The following MFHAS1 variants were observed in gnomAD, a reference collection of about 807,000 sequenced individuals.
The protein encoded by MFHAS1 is multifunctional ROCO family signaling regulator 1, also known as malignant fibrous histiocytoma-amplified sequence 1.
Under a neutral mutation model 70.4 loss-of-function variants are expected in MFHAS1, and 50 were observed. That is an observed-to-expected ratio of 0.71 (90% confidence interval 0.57 to 0.90). The LOEUF (loss-of-function observed/expected upper bound fraction) is 0.90. MFHAS1 is among the 40% of genes least tolerant of loss of function. MFHAS1 has a pLI of 0.00. For missense variants in MFHAS1, 1,795 were observed against 1,347.6 expected (o/e 1.33, Z -5.20); for synonymous variants, 952 against 620.0 (o/e 1.54, Z -7.96).
intron 1 of MFHAS1, among the ~76,000 whole-genome samples, chr8:8,873,831 C>A (rs947882271): frequency 1.1e-4 from 17 of 152,180 alleles, no homozygotes; most frequent in Middle Eastern, 3.2e-3. Flanking sequence ...TGATTTCTTA[C>A]ATGGACAGAA....
Position 8,831,997 on chromosome 8 carries a change from T to C in MFHAS1, c.2999-34506A>G, listed in dbSNP as rs147872771. ...CAAATGGTGCTAAAACAACTGGATA[T>C]CTGTATGGAAAAGAAAATAAACCTC... On this transcript the variant is annotated intron_variant, in intron 1 of 2. Coordinates refer to ENST00000276282, the MANE Select transcript of MFHAS1 (RefSeq NM_004225.3). 2.3e-3 allele frequency among the ~76,000 whole-genome samples: 347 copies of C among 152,050 alleles called. 2 individuals are homozygous for C. The highest frequency in any genetic ancestry group is 7.8e-3 in the African/African-American group (322 of 41,474).
At chr8:8,887,290 T>G (rs533856851) in intron 1 of MFHAS1, among the ~76,000 whole-genome samples, 2 of 152,346 alleles carry the variant, frequency 1.3e-5, no homozygotes, top group East Asian at 3.9e-4. Context: ...TTCCCACATT[T>G]AGCTTTTATT....
At chr8:8,807,482 G>A (rs1224618367) in intron 1 of MFHAS1, among the ~76,000 whole-genome samples, 1 of 152,092 alleles carries the variant, frequency 6.6e-6, no homozygotes, top group Non-Finnish European at 1.5e-5. Flanking sequence ...TATAGCTTCT[G>A]TATCCCACTG....
chr8:8,815,307 A>T (rs1399385210), intron 1 of MFHAS1, among the ~76,000 whole-genome samples: 1 of 152,186 alleles, frequency 6.6e-6, no homozygotes, highest in Non-Finnish European at 1.5e-5. Context: ...TGTTATTGTG[A>T]ATAGTGCTGC....
At chr8:8,876,219 A>C (rs1809288391) in intron 1 of MFHAS1, among the ~76,000 whole-genome samples, 2 of 152,204 alleles carry the variant, frequency 1.3e-5, no homozygotes, top group South Asian at 4.1e-4. Context: ...AGTCTACTCC[A>C]AGAGCTCTTG....
At chr8:8,837,695 G>A (rs1807650549) in intron 1 of MFHAS1, among the ~76,000 whole-genome samples, 1 of 151,062 alleles carries the variant, frequency 6.6e-6, no homozygotes, top group African/African-American at 2.4e-5. Context: ...CTTATCATTA[G>A]GAACATGCAA....
At chr8:8,866,640 A>T (rs1808868835) in intron 1 of MFHAS1, among the ~76,000 whole-genome samples, 1 of 152,176 alleles carries the variant, frequency 6.6e-6, no homozygotes, top group Non-Finnish European at 1.5e-5. Context: ...TCTTATCCCT[A>T]GTAAAAAGGA....
chr8:8,803,350 C>A (rs1806149313), intron 1 of MFHAS1, among the ~76,000 whole-genome samples: 2 of 150,914 alleles, frequency 1.3e-5, no homozygotes, highest in Admixed American at 1.3e-4. Flanking sequence ...CCCCCATTCT[C>A]TACTAAAAAG....
At chr8:8,806,778 T>G (rs562677641) in intron 1 of MFHAS1, among the ~76,000 whole-genome samples, 51 of 152,194 alleles carry the variant, frequency 3.4e-4, no homozygotes, top group Non-Finnish European at 4.7e-4. Flanking sequence ...CTAGCCAACA[T>G]GTTGAAACCC....
At chr8:8,844,845 C>G (rs1402486889) in intron 1 of MFHAS1, among the ~76,000 whole-genome samples, 1 of 152,224 alleles carries the variant, frequency 6.6e-6, no homozygotes, top group Non-Finnish European at 1.5e-5. Flanking sequence ...GCCATAACCA[C>G]TGGCCAAATA....
intron 1 of MFHAS1, among the ~76,000 whole-genome samples, chr8:8,864,841 A>G (rs959414674): frequency 6.6e-6 from 1 of 152,250 alleles, no homozygotes; most frequent in South Asian, 2.1e-4. Flanking sequence ...AGATAAGATG[A>G]TATCATAAAG....
chr8:8,844,848 G>A (rs1807969247), intron 1 of MFHAS1, among the ~76,000 whole-genome samples: 1 of 152,182 alleles, frequency 6.6e-6, no homozygotes, highest in Admixed American at 6.5e-5. Flanking sequence ...ATAACCACTG[G>A]CCAAATAAGC....
chr8:8,886,996 G>A (rs930818688), intron 1 of MFHAS1, among the ~76,000 whole-genome samples: 7 of 152,234 alleles, frequency 4.6e-5, no homozygotes, highest in South Asian at 2.1e-4. Context: ...GTGTGGTGGC[G>A]CATGCCTCTA....
intron 1 of MFHAS1, among the ~76,000 whole-genome samples, chr8:8,878,937 T>C (rs1045958513): frequency 6.6e-6 from 1 of 152,242 alleles, no homozygotes; most frequent in African/African-American, 2.4e-5. Context: ...ATTATGATGA[T>C]ATGCACTTTA....
intron 1 of MFHAS1, among the ~76,000 whole-genome samples, chr8:8,871,890 T>C (rs1194129521): frequency 6.6e-6 from 1 of 152,216 alleles, no homozygotes; most frequent in Non-Finnish European, 1.5e-5. Context: ...GCAAGTAAGC[T>C]GCATGGCAAT....
In MFHAS1 at chr8:8,817,576, C is replaced by T. The variant is rs549380600; in HGVS notation, c.2999-20085G>A. 3.3e-4 allele frequency among the ~76,000 whole-genome samples: 50 copies of T among 152,386 alleles called. No homozygotes were observed. In the South Asian group the frequency reaches 0.01, roughly 31 times the overall value. On this transcript the variant is annotated intron_variant, in intron 1 of 2. Transcript: ENST00000276282. ...GTGCTGCCGCAGTGCCCCTGGACTCCATCCCAGCCCGCAGATGGGGGGGCT... is the reference window on the plus strand; with the variant it reads ...GTGCTGCCGCAGTGCCCCTGGACTCTATCCCAGCCCGCAGATGGGGGGGCT...
chr8:8,846,296 T>TAAGAAGGAGGAGGGGAAGGAG (rs1808033637), intron 1 of MFHAS1, among the ~76,000 whole-genome samples: 1 of 65,454 alleles, frequency 1.5e-5, no homozygotes, highest in Non-Finnish European at 2.6e-5. Flanking sequence ...GGGAGGAGGA[T>TAAGAAGGAGGAGGGGAAGGAG]AAGAAGGAGG....
intron 1 of MFHAS1, among the ~76,000 whole-genome samples, chr8:8,847,845 A>G (rs377079502): frequency 6.6e-6 from 1 of 152,212 alleles, no homozygotes; most frequent in South Asian, 2.1e-4. Flanking sequence ...GCTTAGTCTA[A>G]TCAATATCTG....
chr8:8,876,316 C>T (rs1465925573), intron 1 of MFHAS1, among the ~76,000 whole-genome samples: 10 of 152,104 alleles, frequency 6.6e-5, no homozygotes. Flanking sequence ...CAAATACAAA[C>T]AAAATATAAC....
Sources: allele counts gnomAD v4.1 joint callset (sites outside exome capture counted in the v4.1 genomes callset), GRCh38; gene constraint gnomAD v4.1.1; transcripts MANE v1.5; gene names NCBI Gene and HGNC (gene_info 2026-07-23, HGNC 2026-07-21).